Variants in ARHGEF38 observed in about 807,000 individuals in gnomAD.
ARHGEF38 encodes the protein Rho guanine nucleotide exchange factor (GEF) 38.
A neutral mutation model predicts 79.9 loss-of-function variants in ARHGEF38; 79 were observed. The observed-to-expected ratio is 0.99, with a 90% CI of 0.82 to 1.19. ARHGEF38 has a LOEUF of 1.19. Among genes scored for constraint, ARHGEF38 ranks in the 50% most tolerant of loss-of-function variants. The probability of loss-of-function intolerance (pLI) is 0.00; values close to 1 mark genes in which losing one functional copy is unlikely to be tolerated. For synonymous variants in ARHGEF38, 366 were observed against 328.3 expected, an observed-to-expected ratio of 1.11 and a Z score of -1.24; for missense variants, 962 against 907.2, an observed-to-expected ratio of 1.06 and a Z score of -0.78.
At chr4:105,586,320 AG>A (rs1434660146) in intron 1 of ARHGEF38, among the ~76,000 whole-genome samples, 1 of 151,990 alleles carries the variant, frequency 6.6e-6, no homozygotes, top group Non-Finnish European at 1.5e-5. Flanking sequence ...TTGAGTCAAA[AG>A]AGCAAACAAA....
intron 4 of ARHGEF38, among the ~76,000 whole-genome samples, chr4:105,634,433 C>T (rs1729319979): frequency 6.6e-6 from 1 of 152,074 alleles, no homozygotes; most frequent in Non-Finnish European, 1.5e-5. Context: ...TTAGTGACCC[C>T]TAAGATTGTG....
intron 10 of ARHGEF38, among the ~76,000 whole-genome samples, chr4:105,665,092 G>A (rs1730699955): frequency 6.6e-6 from 1 of 152,014 alleles, no homozygotes; most frequent in Non-Finnish European, 1.5e-5. Flanking sequence ...CAACTTCCCA[G>A]GTCCAAGCAG....
In ARHGEF38 at chr4:105,578,638, G is replaced by A. The variant is rs528515302; in HGVS notation, c.197-10610G>A. Among the ~76,000 whole-genome samples, 93 of 152,162 alleles carry A rather than the reference G, an allele frequency of 6.1e-4. 1 individual carries two copies. The highest frequency in any genetic ancestry group is 2.0e-3 in the African/African-American group (82 of 41,522). On this transcript the variant is annotated intron_variant, in intron 1 of 13. Coordinates refer to ENST00000420470, the MANE Select transcript of ARHGEF38 (RefSeq NM_001242729.2). ...TTTAGGATTATGATATCTTCCTGTC[G>A]AAATTATCCTTTTATCATTATAAAA...
chr4:105,565,648 A>C (rs895669059), intron 1 of ARHGEF38, among the ~76,000 whole-genome samples: 14 of 152,112 alleles, frequency 9.2e-5, no homozygotes, highest in African/African-American at 3.1e-4. Flanking sequence ...GAAGTTCTGA[A>C]CTCAATTTCT....
In ARHGEF38 at chr4:105,667,810, A is replaced by G. The variant is rs1324799207; in HGVS notation, c.2148+107A>G. 5.3e-6 allele frequency: 7 copies of G among 1,325,882 alleles called. No homozygotes were observed. The Admixed American group carries it at 7.1e-5, about 13-fold the overall frequency. 82.1% of individuals were successfully genotyped at this position (1,325,882 alleles called of 1,614,324 possible). ...TTGGTGGAAAAGTGCCAGCTTTGAC[A>G]TCAAGGAGACCTGGCTCTATTAGCA... is the stretch of plus-strand genomic sequence containing the variant. On this transcript the variant is annotated intron_variant, in intron 13 of 13. Transcript: ENST00000420470.
At chr4:105,662,341 C>T (rs561594475) in intron 10 of ARHGEF38, among the ~76,000 whole-genome samples, 162 of 151,974 alleles carry the variant, frequency 1.1e-3, no homozygotes, top group African/African-American at 3.5e-3. Context: ...ACTACTTTTT[C>T]CAAGTTAACC....
intron 10 of ARHGEF38, among the ~76,000 whole-genome samples, chr4:105,659,678 C>A (rs1730483458): frequency 6.6e-6 from 1 of 152,130 alleles, no homozygotes; most frequent in African/African-American, 2.4e-5. Flanking sequence ...AGCTTATCAA[C>A]AATTTATATT....
intron 1 of ARHGEF38, among the ~76,000 whole-genome samples, chr4:105,560,348 T>G (rs1365589734): frequency 6.6e-6 from 1 of 152,178 alleles, no homozygotes; most frequent in Non-Finnish European, 1.5e-5. Context: ...ACACTGAAAC[T>G]CATCTTTCTT....
chr4:105,613,294 C>A, intron 2 of ARHGEF38, 90 bp from the exon 3 acceptor site: 2 of 1,410,392 alleles, frequency 1.4e-6, no homozygotes, highest in Non-Finnish European at 1.9e-6. Context: ...AGACAGCATG[C>A]GCTGGCATTT....
At chr4:105,632,584 T>C (rs1729240907) in intron 4 of ARHGEF38, 1 of 152,182 alleles carries the variant, frequency 6.6e-6, no homozygotes, top group Non-Finnish European at 1.5e-5. Flanking sequence ...AAAAAGGAAA[T>C]GGTGTTATCC....
intron 4 of ARHGEF38, among the ~76,000 whole-genome samples, chr4:105,635,891 C>T (rs1207712644): frequency 3.3e-5 from 5 of 152,040 alleles, no homozygotes; most frequent in African/African-American, 4.8e-5. Flanking sequence ...TAGCAATTCA[C>T]TCATATAGCA....
At position 105,645,344 on chromosome 4, in the gene ARHGEF38, C is replaced by T. The variant is rs753764827; in HGVS notation, c.831C>T (p.Asp277=). The T allele has an allele frequency of 1.5e-5, 23 of 1,530,566 alleles. No homozygotes were observed. Among genetic ancestry groups the T allele is most frequent in the Non-Finnish European group, 8.7e-7 (1 of 1,145,618 alleles). The allele number at this position is 1,530,566 out of a possible 1,614,324, so 94.8% of individuals were successfully genotyped here. The change falls in exon 6 of 14, where the codon GAC becomes GAT. Residue 277 remains aspartate (D), a synonymous_variant. Transcript: ENST00000420470. ...ACGATGCCTTTGCTGCTGTGAAGGA[C>T]ATTAATGTTAACATCAATGAACTTA... ...ALDDAFAAVK[D]INVNINELKR... is the part of the protein sequence containing the mutation.
chr4:105,659,669 G>C (rs1730482885), intron 10 of ARHGEF38, among the ~76,000 whole-genome samples: 1 of 152,112 alleles, frequency 6.6e-6, no homozygotes, highest in African/African-American at 2.4e-5. Context: ...CAACATTGAA[G>C]CTTATCAACA....
intron 6 of ARHGEF38, among the ~76,000 whole-genome samples, chr4:105,648,205 G>C (rs1273379099): frequency 6.6e-6 from 1 of 151,974 alleles, no homozygotes; most frequent in African/African-American, 2.4e-5. Flanking sequence ...CTTTTCATTA[G>C]TTAGATCTTG....
rs139403270 is a variant in ARHGEF38, at chr4:105,613,868, T to A, written c.508+361T>A. On this transcript the variant is annotated intron_variant, in intron 3 of 13. Coordinates refer to ENST00000420470, the MANE Select transcript of ARHGEF38 (RefSeq NM_001242729.2). Reference sequence around the variant, plus strand: ...TAGCTTTACTGATTTCTCATTACAATGTTTTTTAGATCTTATGCCCATCAA... The same window carrying A: ...TAGCTTTACTGATTTCTCATTACAAAGTTTTTTAGATCTTATGCCCATCAA... Among the ~76,000 whole-genome samples the A allele has an allele frequency of 1.6e-4, 24 of 152,288 alleles. 1 individual carries two copies. In the East Asian group the frequency reaches 4.6e-3, roughly 29 times the overall value.
chr4:105,679,410 C>G lies in ARHGEF38; in HGVS notation c.*1473C>G. The G allele has an allele frequency of 1.3e-6, 2 of 1,556,582 alleles. No individual in the cohort carries two copies. Among genetic ancestry groups the G allele is most frequent in the Non-Finnish European group, 1.8e-6 (2 of 1,130,308 alleles). ...AGACACTGCATTACTATTCAGCTTT[C>G]TAAGTTCTTTCCAAGCACAGCTGAC... On this transcript the variant is annotated 3_prime_UTR_variant, in exon 14 of 14. Transcript: ENST00000420470.
At chr4:105,579,649 AT>A (rs1726680986) in intron 1 of ARHGEF38, among the ~76,000 whole-genome samples, 1 of 151,918 alleles carries the variant, frequency 6.6e-6, no homozygotes, top group African/African-American at 2.4e-5. Context: ...TTTGCTGAGG[AT>A]TTTTGCATTG....
chr4:105,558,368 C>A (rs1725354936), intron 1 of ARHGEF38, among the ~76,000 whole-genome samples: 2 of 152,076 alleles, frequency 1.3e-5, no homozygotes, highest in African/African-American at 4.8e-5. Flanking sequence ...TGTTTCTATC[C>A]CAGTGCTACA....
At chr4:105,660,153 G>T (rs962576670) in intron 10 of ARHGEF38, among the ~76,000 whole-genome samples, 2 of 152,032 alleles carry the variant, frequency 1.3e-5, no homozygotes, top group African/African-American at 4.8e-5. Flanking sequence ...ATAAACGAGG[G>T]CTATGTTTAC....
Sources: allele counts gnomAD v4.1 joint callset (sites outside exome capture counted in the v4.1 genomes callset), GRCh38; gene constraint gnomAD v4.1.1; transcripts MANE v1.5; gene names NCBI Gene and HGNC (gene_info 2026-07-23, HGNC 2026-07-21).